CHST11: variants seen among roughly 807,000 people sequenced by gnomAD.
The protein encoded by CHST11 is carbohydrate sulfotransferase 11.
CHST11 carries 9 observed loss-of-function variants against 30.4 expected under a neutral mutation model. That is an observed-to-expected ratio of 0.30 (90% CI 0.18 to 0.52). The LOEUF is 0.52. Among genes scored for constraint, CHST11 ranks in the 20% least tolerant of loss-of-function variants. The probability of loss-of-function intolerance (pLI) is 0.97; values close to 1 mark genes in which losing one functional copy is unlikely to be tolerated. For missense variants in CHST11, 348 were observed against 460.6 expected (o/e 0.76, Z 2.24); for synonymous variants, 152 against 187.8 (o/e 0.81, Z 1.56).
chr12:104,720,106 G>A (rs750570964), intron 2 of CHST11, among the ~76,000 whole-genome samples: 5 of 152,206 alleles, frequency 3.3e-5, no homozygotes, highest in Non-Finnish European at 2.9e-5. Context: ...GTCTAGTTTC[G>A]TAAACATTGC....
intron 1 of CHST11, among the ~76,000 whole-genome samples, chr12:104,479,267 T>C (rs1218711366): frequency 6.6e-6 from 1 of 152,066 alleles, no homozygotes; most frequent in Non-Finnish European, 1.5e-5. Context: ...GTCTGTCTCC[T>C]CATGGTGGCA....
rs1650138 is a variant in CHST11 at position 104,586,397 on chromosome 12, T to A, written c.119-15509T>A. Among the ~76,000 whole-genome samples, 93 of 152,268 alleles carry A rather than the reference T, an allele frequency of 6.1e-4. 2 individuals are homozygous for A. Among genetic ancestry groups the A allele is most frequent in the African/African-American group, 2.1e-3 (86 of 41,556 alleles). On this transcript the variant is annotated intron_variant, in intron 1 of 2. Coordinates refer to ENST00000303694, the MANE Select transcript of CHST11 (RefSeq NM_018413.6). ...GCCTGCCTGAGTGAGGTGGGGTTGCTGGGCACAGTCAGACTGTGTGAAGAC... is the reference window on the plus strand; with the variant it reads ...GCCTGCCTGAGTGAGGTGGGGTTGCAGGGCACAGTCAGACTGTGTGAAGAC...
intron 2 of CHST11, among the ~76,000 whole-genome samples, chr12:104,663,042 A>G (rs2039611152): frequency 6.6e-6 from 1 of 152,260 alleles, no homozygotes; most frequent in Non-Finnish European, 1.5e-5. Flanking sequence ...AAGGAAAAAC[A>G]AACACCAACT....
chr12:104,702,694 T>C (rs1364069268), intron 2 of CHST11, among the ~76,000 whole-genome samples: 5 of 152,184 alleles, frequency 3.3e-5, no homozygotes, highest in Non-Finnish European at 5.9e-5. Flanking sequence ...CTCAGCTCCT[T>C]CCCAGATTCC....
chr12:104,578,587 T>G (rs2038708175), intron 1 of CHST11, among the ~76,000 whole-genome samples: 2 of 152,128 alleles, frequency 1.3e-5, no homozygotes, highest in African/African-American at 2.4e-5. Context: ...AGTGGAGAAT[T>G]GAGTCATCGG....
chr12:104,572,248 T>C (rs1265129041), intron 1 of CHST11, among the ~76,000 whole-genome samples: 2 of 152,062 alleles, frequency 1.3e-5, no homozygotes, highest in African/African-American at 4.8e-5. Flanking sequence ...TAGGGAGGAT[T>C]CCCTCTTTTT....
At chr12:104,639,316 A>G (rs959925455) in intron 2 of CHST11, among the ~76,000 whole-genome samples, 1 of 152,222 alleles carries the variant, frequency 6.6e-6, no homozygotes, top group East Asian at 1.9e-4. Flanking sequence ...CCCAAGGACT[A>G]TATATAAATA....
At chr12:104,661,953 A>G (rs1436435134) in intron 2 of CHST11, among the ~76,000 whole-genome samples, 1 of 152,198 alleles carries the variant, frequency 6.6e-6, no homozygotes, top group Admixed American at 6.5e-5. Context: ...CAAAAAGAAG[A>G]TGTTACTTTT....
At chr12:104,595,364 T>C (rs1323832126) in intron 1 of CHST11, among the ~76,000 whole-genome samples, 2 of 152,198 alleles carry the variant, frequency 1.3e-5, no homozygotes, top group African/African-American at 4.8e-5. Context: ...TCCCTGCCTC[T>C]CCTGGCCTCA....
intron 2 of CHST11, among the ~76,000 whole-genome samples, chr12:104,632,288 G>C (rs1326245589): frequency 6.6e-6 from 1 of 152,008 alleles, no homozygotes; most frequent in Non-Finnish European, 1.5e-5. Context: ...TGTAGTGGGG[G>C]GACTTCCATT....
intron 2 of CHST11, among the ~76,000 whole-genome samples, chr12:104,698,528 A>G (rs1177577488): frequency 6.6e-6 from 1 of 152,054 alleles, no homozygotes; most frequent in Non-Finnish European, 1.5e-5. Flanking sequence ...TGTAATTCCA[A>G]AGTTCTCACC....
At chr12:104,494,611 G>A (rs1279181786) in intron 1 of CHST11, among the ~76,000 whole-genome samples, 1 of 152,116 alleles carries the variant, frequency 6.6e-6, no homozygotes, top group Non-Finnish European at 1.5e-5. Context: ...CCGAGGATGG[G>A]TTCCAGCGCT....
rs1284082075 is a variant in CHST11, at chr12:104,759,314, C to G, written c.*1511C>G. The G allele has an allele frequency of 6.6e-6, 1 of 152,182 alleles. No individual in the cohort carries two copies. Among genetic ancestry groups the G allele is most frequent in the African/African-American group, 2.4e-5 (1 of 41,446 alleles). The allele number at this position is 152,182 out of a possible 1,614,324, so 9.4% of individuals were successfully genotyped here. ...CTGGAAGCCTGGAAACTTTTCATTT[C>G]CTGTTCCTTGCTAATTAACATCTAA... is the stretch of plus-strand genomic sequence containing the variant. On this transcript the variant is annotated 3_prime_UTR_variant, in exon 3 of 3. Coordinates refer to ENST00000303694, the MANE Select transcript of CHST11 (RefSeq NM_018413.6).
At chr12:104,493,714 A>C (rs940911344) in intron 1 of CHST11, among the ~76,000 whole-genome samples, 1 of 152,216 alleles carries the variant, frequency 6.6e-6, no homozygotes, top group Non-Finnish European at 1.5e-5. Flanking sequence ...AAGACAAGAG[A>C]GACTTGGATG....
At chr12:104,733,153 C>T (rs2040270542) in intron 2 of CHST11, among the ~76,000 whole-genome samples, 1 of 152,184 alleles carries the variant, frequency 6.6e-6, no homozygotes, top group African/African-American at 2.4e-5. Flanking sequence ...TGCTGTTCTG[C>T]CACCGGGTTC....
chr12:104,603,780 C>T (rs534647979), intron 2 of CHST11, among the ~76,000 whole-genome samples: 2 of 152,282 alleles, frequency 1.3e-5, no homozygotes, highest in African/African-American at 4.8e-5. Flanking sequence ...CATTTCTTAG[C>T]TATGTGACTA....
chr12:104,655,424 C>T (rs746983691), intron 2 of CHST11, among the ~76,000 whole-genome samples: 13 of 152,364 alleles, frequency 8.5e-5, no homozygotes, highest in Non-Finnish European at 1.8e-4. Context: ...CTCACTCCCC[C>T]CAGCATCCCT....
intron 2 of CHST11, among the ~76,000 whole-genome samples, chr12:104,644,524 C>T (rs893036126): frequency 7.9e-5 from 12 of 152,384 alleles, no homozygotes; most frequent in Non-Finnish European, 1.0e-4. Flanking sequence ...CTGCAGCTGG[C>T]GTGGTGCTGC....
At chr12:104,701,475 T>C (rs1392458906) in intron 2 of CHST11, among the ~76,000 whole-genome samples, 1 of 151,708 alleles carries the variant, frequency 6.6e-6, no homozygotes, top group Non-Finnish European at 1.5e-5. Context: ...CTGCGTGGGG[T>C]GGGCTAATAA....
Sources: allele counts gnomAD v4.1 joint callset (sites outside exome capture counted in the v4.1 genomes callset), GRCh38; gene constraint gnomAD v4.1.1; transcripts MANE v1.5; gene names NCBI Gene and HGNC (gene_info 2026-07-23, HGNC 2026-07-21).